Variants in KIF26B observed in about 807,000 individuals in gnomAD.
KIF26B encodes kinesin family member 26B.
Under a neutral mutation model 151.2 loss-of-function variants are expected in KIF26B, and 63 were observed. That is an observed-to-expected ratio of 0.42 (90% CI 0.34 to 0.51). KIF26B has a LOEUF of 0.51. Among genes scored for constraint, KIF26B ranks in the 20% least tolerant of loss-of-function variants. The pLI is 0.07. For missense variants in KIF26B, 2,813 were observed against 2,913.6 expected (o/e 0.97, Z 0.79); for synonymous variants, 1,357 against 1,262.1 (o/e 1.08, Z -1.59).
chr1:245,179,009 T>A (rs1668859431), intron 2 of KIF26B, among the ~76,000 whole-genome samples: 1 of 152,168 alleles, frequency 6.6e-6, no homozygotes, highest in Admixed American at 6.5e-5. Context: ...ATTTGTACTT[T>A]AAGCTGTATA....
chr1:245,659,111 G>A (rs2147931239), intron 10 of KIF26B, among the ~76,000 whole-genome samples: 1 of 152,114 alleles, frequency 6.6e-6, no homozygotes. Flanking sequence ...AGTGGCGTGT[G>A]CCTGTAGTCC....
intron 2 of KIF26B, among the ~76,000 whole-genome samples, chr1:245,246,884 CACACACACAGACACACACACACAG>C (rs2103562938): frequency 6.7e-6 from 1 of 150,084 alleles, no homozygotes; most frequent in Non-Finnish European, 1.5e-5. Context: ...CACACACACA[CACACACACAGACACACACACACAG>C]ACACAGACAC....
chr1:245,671,989 G>A (rs148781435), intron 10 of KIF26B, among the ~76,000 whole-genome samples: 157 of 152,266 alleles, frequency 1.0e-3, no homozygotes, highest in African/African-American at 3.7e-3. Context: ...CCCAGCTCCA[G>A]GTCCAAAGCC....
At chr1:245,427,460 T>C (rs1308110862) in intron 4 of KIF26B, among the ~76,000 whole-genome samples, 2 of 151,952 alleles carry the variant, frequency 1.3e-5, no homozygotes, top group South Asian at 2.1e-4. Flanking sequence ...AATACAAAAT[T>C]AGCCAGGCAT....
At chr1:245,332,993 A>G (rs1672144509) in intron 2 of KIF26B, among the ~76,000 whole-genome samples, 1 of 152,178 alleles carries the variant, frequency 6.6e-6, no homozygotes, top group South Asian at 2.1e-4. Flanking sequence ...TGAAGCCATC[A>G]TGGTGGTGCC....
At chr1:245,426,079 G>A (rs182198273) in intron 4 of KIF26B, among the ~76,000 whole-genome samples, 2 of 151,976 alleles carry the variant, frequency 1.3e-5, no homozygotes, top group Admixed American at 6.5e-5. Context: ...GTTATCTCAG[G>A]TTCTGATGAC....
At position 245,698,990 on chromosome 1, in the gene KIF26B, C is replaced by A; in HGVS notation, c.6131C>A (p.Ala2044Glu). The A allele has an allele frequency of 6.2e-7, 1 of 1,613,960 alleles. No homozygotes were observed. Among genetic ancestry groups the A allele is most frequent in the Non-Finnish European group, 8.5e-7 (1 of 1,179,886 alleles). The change falls in exon 14 of 15, where the codon GCG (alanine) becomes GAG (glutamate). Residue 2044 changes from alanine (A) to glutamate (E), a missense_variant. Coordinates refer to ENST00000407071, the MANE Select transcript of KIF26B (RefSeq NM_018012.4). The surrounding 1 kb of genome is among the most constrained non-coding windows in gnomAD (Gnocchi z 4.0). ...GAGTGGCTGATGAAGGAGCTGGAGG[C>A]GACCAAACAGTATCTGATGCTGGAT... Reference protein sequence around the residue: ...KYEWLMKELEATKQYLMLDPN... With the variant: ...KYEWLMKELEETKQYLMLDPN...
At chr1:245,414,836 A>C (rs1674378270) in intron 3 of KIF26B, among the ~76,000 whole-genome samples, 1 of 152,238 alleles carries the variant, frequency 6.6e-6, no homozygotes, top group Non-Finnish European at 1.5e-5. Flanking sequence ...GAGGACAGAG[A>C]CTAAGCAAAG....
At chr1:245,587,037 C>T (rs542036951) in intron 5 of KIF26B, among the ~76,000 whole-genome samples, 5 of 152,202 alleles carry the variant, frequency 3.3e-5, no homozygotes, top group Admixed American at 2.0e-4. Context: ...TCCCATCATA[C>T]GGGTGAGGAA....
At chr1:245,436,774 A>T (rs1265981839) in intron 4 of KIF26B, among the ~76,000 whole-genome samples, 1 of 152,202 alleles carries the variant, frequency 6.6e-6, no homozygotes, top group Non-Finnish European at 1.5e-5. Flanking sequence ...CACCTCAAGA[A>T]TCAGCACTAG....
In KIF26B at chr1:245,532,338, C is replaced by T. The variant is rs550441641; in HGVS notation, c.1167-8429C>T. Among the ~76,000 whole-genome samples, 50 of 150,722 alleles carry T rather than the reference C, an allele frequency of 3.3e-4. 1 individual carries two copies. In the East Asian group the frequency reaches 4.3e-3, roughly 13 times the overall value. ...TCGGCTCACTGCAAGCTCTGCCTCC[C>T]GGGTTCACGCCATTCTCCTGCCTCA... On this transcript the variant is annotated intron_variant, in intron 4 of 14. Coordinates refer to ENST00000407071, the MANE Select transcript of KIF26B (RefSeq NM_018012.4).
At position 245,430,681 on chromosome 1, in the gene KIF26B, AATC is replaced by A. The variant is rs1658756163; in HGVS notation, c.1166+10939_1166+10941del. On this transcript the variant is annotated intron_variant, in intron 4 of 14. Transcript: ENST00000407071. ...AGACCCTTCTCTTAGAAAAAAAAATAATCATAATAGCCTACATTTTTGAGGGCT... is the reference window on the plus strand; with the variant it reads ...AGACCCTTCTCTTAGAAAAAAAAATAATAATAGCCTACATTTTTGAGGGCT... Among the ~76,000 whole-genome samples, 5 of 150,934 alleles carry A rather than the reference AATC, an allele frequency of 3.3e-5. No individual in the cohort carries two copies. The South Asian group carries it at 1.1e-3, about 32-fold the overall frequency.
At chr1:245,181,931 A>C (rs1162437072) in intron 2 of KIF26B, among the ~76,000 whole-genome samples, 1 of 152,194 alleles carries the variant, frequency 6.6e-6, no homozygotes, top group Non-Finnish European at 1.5e-5. Context: ...TTGTTCAGTT[A>C]GGAATCTGAG....
In KIF26B at chr1:245,702,561, T is replaced by G; in HGVS notation, c.6282T>G (p.His2094Gln). The G allele has an allele frequency of 4.3e-6, 7 of 1,613,908 alleles. No homozygotes were observed. Among genetic ancestry groups the G allele is most frequent in the Non-Finnish European group, 3.4e-6 (4 of 1,179,876 alleles). The change falls in exon 15 of 15, where the codon CAT (histidine) becomes CAG (glutamine). Residue 2094 changes from histidine to glutamine, a missense_variant. Around this residue, in one of 3 missense-constraint regions of KIF26B, gnomAD observed 2,060 missense variants for 2,088.6 expected, o/e 0.99. Coordinates refer to ENST00000407071, the MANE Select transcript of KIF26B (RefSeq NM_018012.4). The surrounding 1 kb of genome is among the most constrained non-coding windows in gnomAD (Gnocchi z 4.1). ...LESRVNFCKA[H>Q]LMMITCFDIT... Reference sequence around the variant, plus strand: ...GCCGTGTCAACTTCTGCAAGGCCCATCTCATGATGATCACCTGCTTCGACA... The same window carrying G: ...GCCGTGTCAACTTCTGCAAGGCCCAGCTCATGATGATCACCTGCTTCGACA...
chr1:245,569,006 C>T (rs2043038041), intron 5 of KIF26B, among the ~76,000 whole-genome samples: 1 of 152,094 alleles, frequency 6.6e-6, no homozygotes, highest in African/African-American at 2.4e-5. Flanking sequence ...TTGGTTTTGC[C>T]CCGTGCTCAC....
intron 2 of KIF26B, among the ~76,000 whole-genome samples, chr1:245,347,378 C>T (rs1334377634): frequency 6.6e-6 from 1 of 152,020 alleles, no homozygotes; most frequent in African/African-American, 2.4e-5. Flanking sequence ...AGTGGCGTAA[C>T]CACAGCTCAC....
At chr1:245,260,844 C>T (rs1180754179) in intron 2 of KIF26B, among the ~76,000 whole-genome samples, 1 of 152,216 alleles carries the variant, frequency 6.6e-6, no homozygotes, top group Non-Finnish European at 1.5e-5. Flanking sequence ...GCCACAGTAT[C>T]TTTGTTATTA....
At chr1:245,208,136 A>G (rs1669443143) in intron 2 of KIF26B, among the ~76,000 whole-genome samples, 3 of 152,192 alleles carry the variant, frequency 2.0e-5, no homozygotes, top group Admixed American at 2.0e-4. Context: ...CCTCTGTGCC[A>G]GGGAAATTTT....
In KIF26B at chr1:245,609,454, G is replaced by T; in HGVS notation, c.1840G>T (p.Val614Leu). The T allele has an allele frequency of 1.9e-6, 3 of 1,605,172 alleles. No individual in the cohort carries two copies. The highest frequency in any genetic ancestry group is 2.6e-6 in the Non-Finnish European group (3 of 1,176,048). The stretch of plus-strand genomic sequence containing the variant: ...GAACCTGCGGGACCTGCTGTCGGAG[G>T]TGGCCACGGGCAGCCTGCAGGACGG... The part of the protein sequence containing the change: ...EENLRDLLSE[V>L]ATGSLQDGQS... The change falls in exon 8 of 15, where the codon GTG becomes TTG. Residue 614 changes from valine (V) to leucine (L), a missense_variant. By Grantham distance (32) the Val-to-Leu change is conservative (BLOSUM62 1). Transcript: ENST00000407071.
Sources: allele counts gnomAD v4.1 joint callset (sites outside exome capture counted in the v4.1 genomes callset), GRCh38; gene constraint gnomAD v4.1.1; regional missense constraint gnomAD v4.1.1; non-coding constraint Gnocchi (gnomAD v3.1); transcripts MANE v1.5; gene names NCBI Gene and HGNC (gene_info 2026-07-23, HGNC 2026-07-21).